Variants in ZBTB20 observed in about 807,000 individuals in gnomAD.
ZBTB20 encodes zinc finger and BTB domain containing 20.
A neutral mutation model predicts 56.9 loss-of-function variants in ZBTB20; 9 were observed. The ratio of observed to expected loss-of-function variants is 0.16; its 90% CI spans 0.10 to 0.28. The LOEUF is 0.28. ZBTB20 is among the 10% of genes least tolerant of loss of function. The pLI, the probability that ZBTB20 is intolerant of heterozygous loss-of-function variation, is 1.00. For missense variants in ZBTB20, 655 were observed against 1,003.0 expected, an observed-to-expected ratio of 0.65 and a Z score of 4.69; for synonymous variants, 417 against 420.7, an observed-to-expected ratio of 0.99 and a Z score of 0.11.
At chr3:114,940,870 G>C (rs2076699793) in intron 3 of ZBTB20, among the ~76,000 whole-genome samples, 1 of 145,760 alleles carries the variant, frequency 6.9e-6, no homozygotes, top group African/African-American at 2.8e-5. Context: ...AGGGACCTTA[G>C]GTTGCCTATT....
chr3:114,839,633 A>C (rs2108993311), intron 4 of ZBTB20, among the ~76,000 whole-genome samples: 1 of 152,312 alleles, frequency 6.6e-6, no homozygotes, highest in Admixed American at 6.5e-5. Flanking sequence ...AAACCTGAGA[A>C]TGTGACCTTA....
intron 2 of ZBTB20, among the ~76,000 whole-genome samples, chr3:115,007,762 A>G (rs1343168795): frequency 6.6e-6 from 1 of 151,826 alleles, no homozygotes; most frequent in Non-Finnish European, 1.5e-5. Flanking sequence ...TTCTGCCCTT[A>G]TAACATAATT....
At chr3:114,464,893 A>G (rs1559825910) in intron 7 of ZBTB20, among the ~76,000 whole-genome samples, 1 of 152,192 alleles carries the variant, frequency 6.6e-6, no homozygotes, top group Non-Finnish European at 1.5e-5. Context: ...GACTAAATGC[A>G]AGAAGGTACA....
At chr3:114,496,910 G>A (rs1234952003) in intron 7 of ZBTB20, among the ~76,000 whole-genome samples, 3 of 152,180 alleles carry the variant, frequency 2.0e-5, no homozygotes, top group Non-Finnish European at 4.4e-5. Context: ...TTATCTGCCT[G>A]CTCCTCCCTC....
chr3:114,823,030 T>C (rs988820926), intron 4 of ZBTB20, among the ~76,000 whole-genome samples: 1 of 152,156 alleles, frequency 6.6e-6, no homozygotes, highest in Non-Finnish European at 1.5e-5. Context: ...CTCCAAATTT[T>C]ATAGCATTCT....
At chr3:114,463,815 T>C (rs1373351021) in intron 7 of ZBTB20, among the ~76,000 whole-genome samples, 1 of 152,230 alleles carries the variant, frequency 6.6e-6, no homozygotes, top group Non-Finnish European at 1.5e-5. Context: ...GAATTTCGCC[T>C]AAGTTGAATT....
At chr3:114,783,185 A>G (rs2070239863) in intron 5 of ZBTB20, among the ~76,000 whole-genome samples, 1 of 152,188 alleles carries the variant, frequency 6.6e-6, no homozygotes. Flanking sequence ...ATGTTAGGTA[A>G]AGTACTACAT....
chr3:114,596,113 C>T (rs1401618018), intron 6 of ZBTB20, among the ~76,000 whole-genome samples: 1 of 152,130 alleles, frequency 6.6e-6, no homozygotes, highest in Non-Finnish European at 1.5e-5. Flanking sequence ...ACACGAGGCT[C>T]ACACAGAAGC....
intron 3 of ZBTB20, among the ~76,000 whole-genome samples, chr3:114,958,639 G>A (rs1464353720): frequency 6.6e-6 from 1 of 152,064 alleles, no homozygotes; most frequent in Non-Finnish European, 1.5e-5. Context: ...CTTGAGGTCC[G>A]GAGTTTGAGA....
In ZBTB20 at chr3:114,986,097, AG is replaced by A. The variant is rs1194137154; in HGVS notation, c.-506-11682del. 2.0e-5 allele frequency among the ~76,000 whole-genome samples: 3 copies of A among 152,082 alleles called. No homozygotes were observed. The East Asian group carries it at 5.8e-4, about 29-fold the overall frequency. ...AGAAAATTTGATCAGAAAGTGTGTT[AG>A]GAGGACTTGTGTTAGAATCTGCTTT... On this transcript the variant is annotated intron_variant, in intron 2 of 11. Transcript: ENST00000675478.
chr3:114,826,206 A>G (rs1348694283), intron 4 of ZBTB20, among the ~76,000 whole-genome samples: 1 of 151,768 alleles, frequency 6.6e-6, no homozygotes, highest in Non-Finnish European at 1.5e-5. Context: ...TAATGAATTG[A>G]GAAATGAATC....
chr3:114,913,006 CAA>C (rs2075603003), intron 3 of ZBTB20, among the ~76,000 whole-genome samples: 1 of 151,926 alleles, frequency 6.6e-6, no homozygotes, highest in African/African-American at 2.4e-5. Context: ...AGGTTGCTAC[CAA>C]ATCTTAGCTA....
chr3:114,471,762 A>C (rs1226704498), intron 7 of ZBTB20, among the ~76,000 whole-genome samples: 1 of 152,224 alleles, frequency 6.6e-6, no homozygotes, highest in Non-Finnish European at 1.5e-5. Context: ...ATCTCGCTTC[A>C]TGTGTCATTA....
intron 5 of ZBTB20, among the ~76,000 whole-genome samples, chr3:114,702,288 C>T (rs2063442175): frequency 6.6e-6 from 1 of 152,168 alleles, no homozygotes; most frequent in Non-Finnish European, 1.5e-5. Context: ...ACCGAGGCTG[C>T]AGTGAGCCAT....
chr3:114,421,392 C>G (rs35243638), intron 7 of ZBTB20, among the ~76,000 whole-genome samples: 1 of 152,166 alleles, frequency 6.6e-6, no homozygotes, highest in African/African-American at 2.4e-5. Flanking sequence ...TCAGTTATAC[C>G]TAAACTCTAA....
intron 7 of ZBTB20, among the ~76,000 whole-genome samples, chr3:114,488,871 C>T (rs564421861): frequency 1.3e-5 from 2 of 152,086 alleles, no homozygotes; most frequent in Non-Finnish European, 2.9e-5. Flanking sequence ...TGAAGTGCAA[C>T]GTTGTTGTCA....
intron 4 of ZBTB20, among the ~76,000 whole-genome samples, chr3:114,819,888 G>A (rs868702377): frequency 6.6e-5 from 10 of 151,680 alleles, no homozygotes; most frequent in African/African-American, 2.4e-4. Context: ...ATAAAAATAA[G>A]AAAACAATGA....
intron 6 of ZBTB20, among the ~76,000 whole-genome samples, chr3:114,601,702 A>G (rs1312667506): frequency 1.3e-5 from 2 of 152,022 alleles, no homozygotes; most frequent in Admixed American, 6.6e-5. Flanking sequence ...GATGTTTTAA[A>G]CTAGGTATTG....
chr3:114,794,132 C>G (rs1578897634), intron 5 of ZBTB20, among the ~76,000 whole-genome samples: 1 of 151,870 alleles, frequency 6.6e-6, no homozygotes, highest in East Asian at 1.9e-4. Flanking sequence ...TTAGATGCTA[C>G]TTAATCGTTC....
Sources: gnomAD v4.1 joint callset for allele counts (sites outside exome capture counted in the v4.1 genomes callset) on GRCh38, gnomAD v4.1.1 for gene constraint, MANE v1.5 for transcripts, NCBI Gene and HGNC (gene_info 2026-07-23, HGNC 2026-07-21) for gene names.